PCDH7: variants seen among roughly 807,000 people sequenced by gnomAD.
PCDH7 encodes protocadherin-7.
In PCDH7, 17 loss-of-function variants were observed where a neutral mutation model predicts 58.9. That is an observed-to-expected ratio of 0.29 (90% CI 0.20 to 0.43). The LOEUF is 0.43. Among genes scored for constraint, PCDH7 ranks in the 20% least tolerant of loss-of-function variants. PCDH7 has a pLI of 1.00. For missense variants in PCDH7, 1,274 were observed against 1,441.0 expected, an observed-to-expected ratio of 0.88 and a Z score of 1.88; for synonymous variants, 664 against 616.4, an observed-to-expected ratio of 1.08 and a Z score of -1.14.
At chr4:30,962,787 A>C (rs1025152258) in intron 3 of PCDH7, among the ~76,000 whole-genome samples, 65 of 150,586 alleles carry the variant, frequency 4.3e-4, no homozygotes, top group African/African-American at 1.4e-3. Context: ...AAAAAAAAAA[A>C]AAAAAAAAAA....
intron 1 of PCDH7, among the ~76,000 whole-genome samples, chr4:30,762,231 T>TAA: frequency 6.6e-6 from 1 of 152,316 alleles, no homozygotes; most frequent in East Asian, 1.9e-4. Context: ...GTTTTTTTCT[T>TAA]AGCAATTTTG....
intron 2 of PCDH7, among the ~76,000 whole-genome samples, chr4:30,946,474 A>G (rs1372758307): frequency 6.7e-6 from 1 of 150,346 alleles, no homozygotes; most frequent in Non-Finnish European, 1.5e-5. Context: ...GCTCTCACCC[A>G]CCTCCCTCCC....
At position 30,723,770 on chromosome 4, in the gene PCDH7, T is replaced by C. The variant is rs1474130817; in HGVS notation, c.2348T>C (p.Ile783Thr). 1 of 1,614,162 alleles carries C rather than the reference T, an allele frequency of 6.2e-7. No individual in the cohort carries two copies. Among genetic ancestry groups the C allele is most frequent in the East Asian group, 2.2e-5 (1 of 44,876 alleles). ...ATCAATGCAGACCTGAACTACAGCA[T>C]TGTGGGAGGAAATCCCTTCAAGCTG... The change falls in exon 1 of 2, where the codon ATT becomes ACT. Residue 783 changes from isoleucine (I) to threonine (T), a missense_variant. This residue lies in a region of PCDH7 where 731 missense variants were observed against 881.9 expected (regional missense o/e 0.83). Transcript: ENST00000361762. This position sits in a 1 kb window ranked among gnomAD's most constrained non-coding sequence, Gnocchi z 4.6.
chr4:30,953,013 G>T (rs149354743), intron 3 of PCDH7, among the ~76,000 whole-genome samples: 1 of 152,114 alleles, frequency 6.6e-6, no homozygotes, highest in Non-Finnish European at 1.5e-5. Context: ...TGCCTGAAGC[G>T]TAGAATAAAT....
intron 1 of PCDH7, among the ~76,000 whole-genome samples, chr4:30,778,676 T>C (rs373713681): frequency 6.6e-6 from 1 of 152,182 alleles, no homozygotes; most frequent in Non-Finnish European, 1.5e-5. Flanking sequence ...CCAACTGATA[T>C]TATTAATGCA....
intron 3 of PCDH7, among the ~76,000 whole-genome samples, chr4:31,037,693 C>T (rs1284826153): frequency 6.6e-6 from 1 of 152,176 alleles, no homozygotes; most frequent in Non-Finnish European, 1.5e-5. Flanking sequence ...CTTTCATATC[C>T]ATTGCTCTCT....
At chr4:30,906,289 G>T (rs1464381172) in intron 1 of PCDH7, among the ~76,000 whole-genome samples, 1 of 152,094 alleles carries the variant, frequency 6.6e-6, no homozygotes, top group South Asian at 2.1e-4. Flanking sequence ...CAACTGAAAA[G>T]AATAGTAAAT....
chr4:31,024,845 C>T (rs751582039), intron 3 of PCDH7, among the ~76,000 whole-genome samples: 5 of 152,072 alleles, frequency 3.3e-5, no homozygotes, highest in Non-Finnish European at 5.9e-5. Context: ...GAGTTCTAAG[C>T]GATTCTCCTG....
intron 3 of PCDH7, among the ~76,000 whole-genome samples, chr4:31,010,298 G>A (rs1176770645): frequency 2.6e-5 from 4 of 151,902 alleles, no homozygotes; most frequent in African/African-American, 7.2e-5. Flanking sequence ...TTAAATATGA[G>A]TAACATATTT....
rs545189857 is a variant in PCDH7, at chr4:30,883,095, G to A, written c.71-37058G>A. Among the ~76,000 whole-genome samples the A allele has an allele frequency of 2.0e-5, 3 of 152,276 alleles. No individual in the cohort carries two copies. In the East Asian group the frequency reaches 5.8e-4, roughly 30 times the overall value. On this transcript the variant is annotated intron_variant, in intron 1 of 3. Transcript: ENST00000509759. The stretch of plus-strand genomic sequence containing the variant: ...TGCACATGTGCACACATGTGCACGG[G>A]CACACACACCCACTTATCCTTTCCC...
At chr4:30,804,992 A>G (rs896587296) in intron 1 of PCDH7, among the ~76,000 whole-genome samples, 1 of 152,122 alleles carries the variant, frequency 6.6e-6, no homozygotes, top group African/African-American at 2.4e-5. Flanking sequence ...TAAGGGCACA[A>G]GGTCTCTTTT....
intron 1 of PCDH7, among the ~76,000 whole-genome samples, chr4:30,783,583 A>AAT (rs1336124151): frequency 4.6e-5 from 7 of 152,170 alleles, no homozygotes; most frequent in Admixed American, 3.9e-4. Context: ...TTTCTTTTAA[A>AAT]ATATATATAT....
rs1426370222 is a variant in PCDH7, at chr4:30,722,094, GC to G, written c.673del (p.Arg225GlyfsTer36). 1 of 1,341,822 alleles carries G rather than the reference GC, an allele frequency of 7.5e-7. No homozygotes were observed. The highest frequency in any genetic ancestry group is 4.0e-5 in the Admixed American group (1 of 25,260). The allele number at this position is 1,341,822 out of a possible 1,614,324, so 83.1% of individuals were successfully genotyped here. On this transcript the variant is annotated frameshift_variant, in exon 1 of 2. Transcript: ENST00000361762. LOFTEE classifies it high-confidence loss of function. The surrounding 1 kb of genome is among the most constrained non-coding windows in gnomAD (Gnocchi z 7.6). ...GCGGCGGCTCGGGAGGCTCCAAGCG[GC>G]GGCTGGACGCATCAGAGGGCGGCGG...
At chr4:30,896,634 G>T (rs921917366) in intron 1 of PCDH7, among the ~76,000 whole-genome samples, 1 of 151,868 alleles carries the variant, frequency 6.6e-6, no homozygotes, top group African/African-American at 2.4e-5. Flanking sequence ...CAGACTAATT[G>T]TATGGAAAAT....
chr4:30,963,873 T>C (rs1252245859), intron 3 of PCDH7, among the ~76,000 whole-genome samples: 1 of 152,232 alleles, frequency 6.6e-6, no homozygotes, highest in Non-Finnish European at 1.5e-5. Flanking sequence ...CTGAGTCTGA[T>C]GGCTATTGGC....
intron 1 of PCDH7, among the ~76,000 whole-genome samples, chr4:30,837,140 A>G (rs1295785957): frequency 1.3e-5 from 2 of 152,084 alleles, no homozygotes; most frequent in East Asian, 1.9e-4. Flanking sequence ...TGATTGTATG[A>G]TAAGTAGTGT....
At chr4:31,142,649 G>A (rs1560265063) in exon 4 of PCDH7, 1 of 1,367,726 alleles carries the variant, frequency 7.3e-7, no homozygotes, top group Admixed American at 1.9e-5. Flanking sequence ...GGAAAAGCTG[G>A]CCAATGGGGA....
chr4:30,808,133 G>A (rs1726492696), intron 1 of PCDH7, among the ~76,000 whole-genome samples: 1 of 152,182 alleles, frequency 6.6e-6, no homozygotes, highest in African/African-American at 2.4e-5. Flanking sequence ...AGAGATGCTA[G>A]TATTGACTAA....
At chr4:31,055,052 T>C (rs556042597) in intron 3 of PCDH7, among the ~76,000 whole-genome samples, 15 of 152,284 alleles carry the variant, frequency 9.9e-5, no homozygotes, top group Middle Eastern at 3.4e-3. Context: ...TAGCAACTTA[T>C]GAATAACAAA....
Sources: gnomAD v4.1 joint callset for allele counts (sites outside exome capture counted in the v4.1 genomes callset) on GRCh38, gnomAD v4.1.1 for gene constraint, gnomAD v4.1.1 regional missense constraint, Gnocchi (gnomAD v3.1) non-coding constraint, MANE v1.5 for transcripts, NCBI Gene and HGNC (gene_info 2026-07-23, HGNC 2026-07-21) for gene names.